The following LSM8 variants were observed in gnomAD, a reference collection of about 807,000 sequenced individuals.
The protein encoded by LSM8 is LSM8 homolog, U6 small nuclear RNA associated.
Under a neutral mutation model 15.0 loss-of-function variants are expected in LSM8, and 14 were observed. The observed-to-expected ratio is 0.93, with a 90% confidence interval of 0.62 to 1.46. The LOEUF (loss-of-function observed/expected upper bound fraction) is 1.46. Among genes scored for constraint, LSM8 ranks in the 40% most tolerant of loss-of-function variants. The pLI is 0.00. For missense variants in LSM8, 90 were observed against 115.4 expected, an observed-to-expected ratio of 0.78 and a Z score of 1.01; for synonymous variants, 50 against 42.1, an observed-to-expected ratio of 1.19 and a Z score of -0.73.
In LSM8 at chr7:118,193,760, G is replaced by A. The variant is rs2115928238; in HGVS notation, c.*1758G>A. ...AGAATACACATTGTTCAGTTGCTAA[G>A]AAAAATGCATTCTAACAGTACAAAT... On this transcript the variant is annotated 3_prime_UTR_variant, in exon 4 of 4. Coordinates refer to ENST00000249299, the MANE Select transcript of LSM8 (RefSeq NM_016200.5). Among the ~76,000 whole-genome samples, 1 of 152,172 alleles carries A rather than the reference G, an allele frequency of 6.6e-6. No individual in the cohort carries two copies. The highest frequency in any genetic ancestry group is 2.1e-4 in the South Asian group (1 of 4,822).
Position 118,201,764 on chromosome 7 carries a change from G to A in LSM8, c.*9762G>A, listed in dbSNP as rs1438453275. ...AAAATAAAATTATTGGTCATTTCAT[G>A]TATACATTTGTGGTAACACTTTAAC... On this transcript the variant is annotated 3_prime_UTR_variant, in exon 4 of 4. Transcript: ENST00000249299. 1.3e-5 allele frequency among the ~76,000 whole-genome samples: 2 copies of A among 152,056 alleles called. No individual in the cohort carries two copies. Among genetic ancestry groups the A allele is most frequent in the Non-Finnish European group, 2.9e-5 (2 of 67,986 alleles).
chr7:118,201,814 G>A lies in LSM8; in HGVS notation c.*9812G>A, dbSNP rs1487744069. 2.6e-5 allele frequency among the ~76,000 whole-genome samples: 4 copies of A among 151,978 alleles called. No individual in the cohort carries two copies. The highest frequency in any genetic ancestry group is 9.7e-5 in the African/African-American group (4 of 41,406). The stretch of plus-strand genomic sequence containing the variant: ...CTTTTTCCCTGTAAGGCCATCTTTT[G>A]TATGTTTCTGTTTCCATCAAGCAGG... On this transcript the variant is annotated 3_prime_UTR_variant, in exon 4 of 4. Transcript: ENST00000249299.
chr7:118,184,629 G>T, intron 1 of LSM8: 1 of 176,176 alleles, frequency 5.7e-6, no homozygotes, highest in Non-Finnish European at 1.2e-5. Context: ...CTTTGTACTT[G>T]TTTTATTCAC....
rs1809080984 is a variant in LSM8, at chr7:118,196,623, AT to A, written c.*4626del. On this transcript the variant is annotated 3_prime_UTR_variant, in exon 4 of 4. Transcript: ENST00000249299. ...TGGCATTAAGTTTTTTTTTAACTCA[AT>A]TTTTGTGTTAGTTTTTTGTTATGCC... is the stretch of plus-strand genomic sequence containing the variant. Among the ~76,000 whole-genome samples the A allele has an allele frequency of 7.2e-6, 1 of 138,890 alleles. No individual in the cohort carries two copies. Among genetic ancestry groups the A allele is most frequent in the African/African-American group, 2.7e-5 (1 of 37,436 alleles). 91.1% of individuals were successfully genotyped at this position (138,890 alleles called of 152,430 possible).
chr7:118,188,125 C>G (rs143337357), intron 2 of LSM8, among the ~76,000 whole-genome samples, 153 bp from the exon 3 acceptor site: 1 of 152,080 alleles, frequency 6.6e-6, no homozygotes, highest in Non-Finnish European at 1.5e-5. Context: ...TGTGTACCCT[C>G]GAATACTGTT....
chr7:118,187,161 C>G (rs1808901640), intron 2 of LSM8, among the ~76,000 whole-genome samples: 1 of 152,092 alleles, frequency 6.6e-6, no homozygotes, highest in Non-Finnish European at 1.5e-5. Context: ...TGTTTCTCTT[C>G]CAAGTTACAG....
Position 118,195,021 on chromosome 7 carries a change from A to G in LSM8, c.*3019A>G, listed in dbSNP as rs1809056483. 6.6e-6 allele frequency among the ~76,000 whole-genome samples: 1 copy of G among 152,198 alleles called. No individual in the cohort carries two copies. The highest frequency in any genetic ancestry group is 2.4e-5 in the African/African-American group (1 of 41,448). The stretch of plus-strand genomic sequence containing the variant: ...TGTTATCAGAAAGTATAGTCTTAAA[A>G]TCTGCTATCAAGCATCTATCAGAAG... On this transcript the variant is annotated 3_prime_UTR_variant, in exon 4 of 4. Transcript: ENST00000249299.
intron 1 of LSM8, chr7:118,184,896 CGAATGCTTTTAAT>C (rs1176240755): frequency 6.6e-6 from 1 of 152,130 alleles, no homozygotes; most frequent in African/African-American, 2.4e-5. Context: ...AATTAAATAC[CGAATGCTTTTAAT>C]GATGCGTTAT....
intron 3 of LSM8, 91 bp downstream of exon 3, chr7:118,188,496 A>T: frequency 8.8e-7 from 1 of 1,140,942 alleles, no homozygotes; most frequent in Non-Finnish European, 1.2e-6. Flanking sequence ...TGTATTGTCC[A>T]TACATAGTTA....
rs1808842977 is a variant in LSM8, at chr7:118,184,263, A to T, written c.31+9A>T. 1 of 1,488,436 alleles carries T rather than the reference A, an allele frequency of 6.7e-7. No homozygotes were observed. The allele number at this position is 1,488,436 out of a possible 1,614,324, so 92.2% of individuals were successfully genotyped here. ...GGAGAACTACATCAACCGTATCCTC[A>T]AGCTGGCCGCCGCGGGCGTGAGCCG... On this transcript the variant is annotated intron_variant, in intron 1 of 3. Transcript: ENST00000249299.
At position 118,185,644 on chromosome 7, in the gene LSM8, C is replaced by G. The variant is rs749811220; in HGVS notation, c.32-10C>G. ...TCCCTAAGAAACACTTTCTTTGATTCAGTTATCAGGAACTGTTGCCGTTAT... is the reference window on the plus strand; with the variant it reads ...TCCCTAAGAAACACTTTCTTTGATTGAGTTATCAGGAACTGTTGCCGTTAT... On this transcript the variant is annotated splice_polypyrimidine_tract_variant and intron_variant, in intron 1 of 3. Coordinates refer to ENST00000249299, the MANE Select transcript of LSM8 (RefSeq NM_016200.5). The G allele has an allele frequency of 1.2e-6, 2 of 1,605,538 alleles. No homozygotes were observed. Among genetic ancestry groups the G allele is most frequent in the African/African-American group, 1.3e-5 (1 of 74,858 alleles).
At chr7:118,185,125 T>G (rs1410454360) in intron 1 of LSM8, 3 of 152,132 alleles carry the variant, frequency 2.0e-5, no homozygotes, top group African/African-American at 7.2e-5. Context: ...AGTAGAAAAG[T>G]GTCAAAAATC....
rs542259783 is a variant in LSM8, at chr7:118,196,765, C to G, written c.*4763C>G. ...ATTTATTTTTGAGACACTTCTTGCT[C>G]TTTCGCCAGGCTGGAGTGCAGTGGT... On this transcript the variant is annotated 3_prime_UTR_variant, in exon 4 of 4. Transcript: ENST00000249299. Among the ~76,000 whole-genome samples the G allele has an allele frequency of 6.2e-5, 9 of 144,806 alleles. No individual in the cohort carries two copies. The South Asian group carries it at 1.7e-3, about 27-fold the overall frequency. 95.0% of individuals were successfully genotyped at this position (144,806 alleles called of 152,430 possible).
rs770368767 is a variant in LSM8, at chr7:118,202,357, A to G, written c.*10355A>G. On this transcript the variant is annotated 3_prime_UTR_variant, in exon 4 of 4. Transcript: ENST00000249299. Reference sequence around the variant, plus strand: ...TTATCTCGAGAGAAAAGAACAGAAAAGTGAAAAGCAAGGCAGTTCAGACTG... The same window carrying G: ...TTATCTCGAGAGAAAAGAACAGAAAGGTGAAAAGCAAGGCAGTTCAGACTG... Among the ~76,000 whole-genome samples, 31 of 152,014 alleles carry G rather than the reference A, an allele frequency of 2.0e-4. No homozygotes were observed. The highest frequency in any genetic ancestry group is 3.1e-4 in the Non-Finnish European group (21 of 67,944).
At position 118,193,024 on chromosome 7, in the gene LSM8, GAA is replaced by G. The variant is rs1456926127; in HGVS notation, c.*1026_*1027del. On this transcript the variant is annotated 3_prime_UTR_variant, in exon 4 of 4. Transcript: ENST00000249299. Reference sequence around the variant, plus strand: ...GTGTCTTTGTGATGAGAAGAACATAGAAAAATATTTACATCCTTGTAATTGAA... The same window carrying G: ...GTGTCTTTGTGATGAGAAGAACATAGAAATATTTACATCCTTGTAATTGAA... 6.6e-6 allele frequency among the ~76,000 whole-genome samples: 1 copy of G among 152,058 alleles called. No homozygotes were observed. Among genetic ancestry groups the G allele is most frequent in the African/African-American group, 2.4e-5 (1 of 41,444 alleles).
rs1288749923 is a variant in LSM8 at position 118,195,558 on chromosome 7, A to G, written c.*3556A>G. 6.6e-6 allele frequency among the ~76,000 whole-genome samples: 1 copy of G among 152,206 alleles called. No homozygotes were observed. Among genetic ancestry groups the G allele is most frequent in the Admixed American group, 6.5e-5 (1 of 15,278 alleles). On this transcript the variant is annotated 3_prime_UTR_variant, in exon 4 of 4. Transcript: ENST00000249299. Reference sequence around the variant, plus strand: ...TTATGTGGGAAGTACGTGTAAGTTTACAGTATTAAGAAATGTACAATAAAA... The same window carrying G: ...TTATGTGGGAAGTACGTGTAAGTTTGCAGTATTAAGAAATGTACAATAAAA...
In LSM8 at chr7:118,197,834, A is replaced by G. The variant is rs1809107204; in HGVS notation, c.*5832A>G. On this transcript the variant is annotated 3_prime_UTR_variant, in exon 4 of 4. Coordinates refer to ENST00000249299, the MANE Select transcript of LSM8 (RefSeq NM_016200.5). ...CAGAGCTTAGCATATTAATCTTACC[A>G]TGTCTTAGTTGCTATGAAAATGAGT... 6.6e-6 allele frequency among the ~76,000 whole-genome samples: 1 copy of G among 152,146 alleles called. No homozygotes were observed. Among genetic ancestry groups the G allele is most frequent in the African/African-American group, 2.4e-5 (1 of 41,434 alleles).
Position 118,197,027 on chromosome 7 carries a change from T to C in LSM8, c.*5025T>C, listed in dbSNP as rs1018893099. On this transcript the variant is annotated 3_prime_UTR_variant, in exon 4 of 4. Coordinates refer to ENST00000249299, the MANE Select transcript of LSM8 (RefSeq NM_016200.5). Reference sequence around the variant, plus strand: ...CAGGCATGAACCACCACGCCCAGCCTAAGTCCTTTTATTTTACAGAGTATT... The same window carrying C: ...CAGGCATGAACCACCACGCCCAGCCCAAGTCCTTTTATTTTACAGAGTATT... 2.0e-5 allele frequency among the ~76,000 whole-genome samples: 3 copies of C among 151,950 alleles called. No individual in the cohort carries two copies. Among genetic ancestry groups the C allele is most frequent in the African/African-American group, 7.2e-5 (3 of 41,380 alleles).
chr7:118,184,193 T>C lies in LSM8; in HGVS notation c.-31T>C, dbSNP rs1808839461. ...CAGTTCTGCTTGCTGTCGGCACCGC[T>C]GCGTTACCCGGAACCGCCGGGCCGA... On this transcript the variant is annotated 5_prime_UTR_variant, in exon 1 of 4. Transcript: ENST00000249299. 4 of 1,543,344 alleles carry C rather than the reference T, an allele frequency of 2.6e-6. No homozygotes were observed. Among genetic ancestry groups the C allele is most frequent in the South Asian group, 2.4e-5 (2 of 83,862 alleles).
Sources: allele counts gnomAD v4.1 joint callset (sites outside exome capture counted in the v4.1 genomes callset), GRCh38; gene constraint gnomAD v4.1.1; transcripts MANE v1.5; gene names NCBI Gene and HGNC (gene_info 2026-07-23, HGNC 2026-07-21).